The following TIAM2 variants were observed in gnomAD, a reference collection of about 807,000 sequenced individuals.
TIAM2 encodes rho guanine nucleotide exchange factor TIAM2.
TIAM2 carries 80 observed loss-of-function variants against 152.9 expected under a neutral mutation model. The ratio of observed to expected loss-of-function variants is 0.52; its 90% CI spans 0.44 to 0.63. TIAM2 has a LOEUF of 0.63. Ranked by LOEUF, TIAM2 falls within the 30% of genes least tolerant of loss-of-function variation. The probability of loss-of-function intolerance (pLI) is 0.00; values close to 1 mark genes in which losing one functional copy is unlikely to be tolerated. For synonymous variants in TIAM2, 804 were observed against 838.0 expected (o/e 0.96, Z 0.70); for missense variants, 1,965 against 2,120.1 (o/e 0.93, Z 1.44).
chr6:155,244,139 TAGC>T (rs1046312234), intron 17 of TIAM2, 60 bp downstream of exon 17: 24 of 1,452,796 alleles, frequency 1.7e-5, no homozygotes, highest in Non-Finnish European at 2.3e-5. Context: ...GTTTGCCTTT[TAGC>T]AGAACTCCTA....
chr6:155,007,317 C>T (rs1396637703), intron 1 of TIAM2, among the ~76,000 whole-genome samples: 2 of 152,016 alleles, frequency 1.3e-5, no homozygotes, highest in African/African-American at 2.4e-5. Flanking sequence ...CATATAAATG[C>T]AGCACAGGTT....
At chr6:155,059,282 C>CTGTGTGTGTGTGTGTGTG (rs200226916) in intron 1 of TIAM2, among the ~76,000 whole-genome samples, 6 of 144,206 alleles carry the variant, frequency 4.2e-5, no homozygotes, top group African/African-American at 1.3e-4. Flanking sequence ...ATGTCCCTTT[C>CTGTGTGTGTGTGTGTGTG]TGTGTGTGTG....
At chr6:155,085,465 GA>G (rs1778154648) in intron 1 of TIAM2, among the ~76,000 whole-genome samples, 1 of 151,908 alleles carries the variant, frequency 6.6e-6, no homozygotes, top group Non-Finnish European at 1.5e-5. Flanking sequence ...ACCTGACAAT[GA>G]AAGTTTTATA....
chr6:155,107,339 C>G (rs996766359), intron 2 of TIAM2, among the ~76,000 whole-genome samples: 1 of 152,156 alleles, frequency 6.6e-6, no homozygotes, highest in Non-Finnish European at 1.5e-5. Context: ...GAATTGTTGC[C>G]TTTAAATTGG....
chr6:155,227,159 G>A (rs1782279385), intron 15 of TIAM2, among the ~76,000 whole-genome samples: 1 of 152,222 alleles, frequency 6.6e-6, no homozygotes, highest in South Asian at 2.1e-4. Flanking sequence ...TGCACTCACA[G>A]TGGGCTTTGG....
chr6:155,163,809 A>T (rs1419794848), intron 7 of TIAM2, among the ~76,000 whole-genome samples: 1 of 152,248 alleles, frequency 6.6e-6, no homozygotes, highest in African/African-American at 2.4e-5. Context: ...TGCAAATTGC[A>T]TCCTGTTTTA....
At chr6:155,216,359 TAAC>T (rs1334063638) in intron 15 of TIAM2, among the ~76,000 whole-genome samples, 2 of 152,238 alleles carry the variant, frequency 1.3e-5, no homozygotes, top group African/African-American at 2.4e-5. Flanking sequence ...GATATTTTAC[TAAC>T]AACTATTCTA....
intron 15 of TIAM2, among the ~76,000 whole-genome samples, chr6:155,211,848 C>T (rs1175909811): frequency 6.6e-5 from 10 of 152,174 alleles, no homozygotes; most frequent in Middle Eastern, 3.2e-3. Flanking sequence ...GACAGAAACT[C>T]TGTACCCCTT....
Position 155,129,130 on chromosome 6 carries a change from A to T in TIAM2, c.-6-88A>T. The T allele has an allele frequency of 8.1e-7, 1 of 1,240,714 alleles. No individual in the cohort carries two copies. Among genetic ancestry groups the T allele is most frequent in the Non-Finnish European group, 1.1e-6 (1 of 888,220 alleles). The allele number at this position is 1,240,714 out of a possible 1,614,324, so 76.9% of individuals were successfully genotyped here. On this transcript the variant is annotated intron_variant, in intron 3 of 26. Transcript: ENST00000682666. The surrounding 1 kb of genome is among the most constrained non-coding windows in gnomAD (Gnocchi z 4.8). ...TTCCAGGCACTGAAGTTGCTGTGTA[A>T]TATGCAGGGCATTCTTTTTAGAAAG...
intron 1 of TIAM2, among the ~76,000 whole-genome samples, chr6:155,042,507 C>T (rs946091718): frequency 1.3e-5 from 2 of 152,114 alleles, no homozygotes; most frequent in African/African-American, 4.8e-5. Context: ...GCCAGAGAAT[C>T]AATCACTTGA....
chr6:155,046,006 G>A (rs1777167118), intron 1 of TIAM2, among the ~76,000 whole-genome samples: 2 of 151,862 alleles, frequency 1.3e-5, no homozygotes, highest in Admixed American at 1.3e-4. Flanking sequence ...GGCTCCTCCT[G>A]CTTGTAGTTA....
intron 14 of TIAM2, among the ~76,000 whole-genome samples, chr6:155,199,069 A>ATT (rs5881124): frequency 5.0e-4 from 75 of 148,722 alleles, no homozygotes; most frequent in South Asian, 2.4e-3. Flanking sequence ...TAACTTCTTT[A>ATT]TTTTTTTTTT....
rs757344173 is a variant in TIAM2, at chr6:155,179,097, A to G, written c.2582A>G (p.Asn861Ser). 2 of 1,614,190 alleles carry G rather than the reference A, an allele frequency of 1.2e-6. No homozygotes were observed. The highest frequency in any genetic ancestry group is 1.7e-5 in the Admixed American group (1 of 60,020). The change falls in exon 11 of 27, where the codon AAT (asparagine) becomes AGT (serine). Residue 861 changes from asparagine to serine, a missense_variant. This residue lies in a region of TIAM2 where 1,025 missense variants were observed against 1,119.4 expected (regional missense o/e 0.92). Transcript: ENST00000682666. ...GLQLRKLVDD[N>S]VEYCIPAPYE... ...CAGCTTCGAAAATTAGTAGATGACA[A>G]TGTTGAGTATTGCATCCCTGCACCA...
chr6:155,135,465 A>G (rs1239793871), intron 4 of TIAM2, among the ~76,000 whole-genome samples: 1 of 152,228 alleles, frequency 6.6e-6, no homozygotes, highest in Non-Finnish European at 1.5e-5. Flanking sequence ...GCGTCTCTGC[A>G]GAGTTATCTT....
intron 1 of TIAM2, among the ~76,000 whole-genome samples, chr6:155,075,033 G>A (rs1022933002): frequency 2.0e-5 from 3 of 151,788 alleles, no homozygotes; most frequent in Non-Finnish European, 4.4e-5. Flanking sequence ...GTGCAGCCGC[G>A]GCTCTGGACC....
chr6:155,069,675 T>A (rs1777790596), intron 1 of TIAM2, among the ~76,000 whole-genome samples: 2 of 152,206 alleles, frequency 1.3e-5, no homozygotes, highest in Admixed American at 1.3e-4. Context: ...AACATTACAC[T>A]AGTATTTTGC....
chr6:155,240,743 C>T (rs41284216), intron 16 of TIAM2, 34 bp downstream of exon 16: 63,701 of 1,582,504 alleles, frequency 0.04, 1,648 homozygotes, highest in Non-Finnish European at 0.045. Flanking sequence ...GCATTCGTGC[C>T]TCTTTGATGA....
chr6:155,108,921 G>T (rs916390677), intron 2 of TIAM2, among the ~76,000 whole-genome samples: 4 of 152,158 alleles, frequency 2.6e-5, no homozygotes. Flanking sequence ...GACTCACTTT[G>T]TAAGATTCCC....
chr6:155,207,887 G>A (rs1451651486), intron 14 of TIAM2, among the ~76,000 whole-genome samples: 2 of 152,190 alleles, frequency 1.3e-5, no homozygotes, highest in African/African-American at 4.8e-5. Flanking sequence ...AGTTTTCAGT[G>A]TTTAAGTTCC....
Sources: allele counts gnomAD v4.1 joint callset (sites outside exome capture counted in the v4.1 genomes callset), GRCh38; gene constraint gnomAD v4.1.1; regional missense constraint gnomAD v4.1.1; non-coding constraint Gnocchi (gnomAD v3.1); transcripts MANE v1.5; gene names NCBI Gene and HGNC (gene_info 2026-07-23, HGNC 2026-07-21).